Variants in FBXW4 observed in about 807,000 individuals in gnomAD.
FBXW4 encodes the protein F-box and WD repeat domain containing 4.
In FBXW4, 40 loss-of-function variants were observed where a neutral mutation model predicts 61.8. The ratio of observed to expected loss-of-function variants is 0.65; its 90% CI spans 0.50 to 0.84. FBXW4 has a LOEUF of 0.84. FBXW4 is among the 40% of genes least tolerant of loss of function. The pLI is 0.00. For synonymous variants in FBXW4, 311 were observed against 313.8 expected (o/e 0.99, Z 0.10); for missense variants, 672 against 753.8 (o/e 0.89, Z 1.27).
At chr10:101,670,540 T>G (rs1354901688) in intron 4 of FBXW4, among the ~76,000 whole-genome samples, 1 of 152,234 alleles carries the variant, frequency 6.6e-6, no homozygotes, top group African/African-American at 2.4e-5. Flanking sequence ...GCTCTTGCCC[T>G]AGAGCTTTAT....
At chr10:101,617,693 C>T (rs1434175600) in intron 6 of FBXW4, among the ~76,000 whole-genome samples, 6 of 152,046 alleles carry the variant, frequency 3.9e-5, no homozygotes, top group East Asian at 3.8e-4. Context: ...AAGGGGCAGC[C>T]GCGTAGATAA....
intron 1 of FBXW4, 21 bp from the exon 2 acceptor site, chr10:101,676,457 T>C: frequency 1.3e-6 from 2 of 1,594,534 alleles, no homozygotes; most frequent in Non-Finnish European, 1.7e-6. Flanking sequence ...ACAGAACAGA[T>C]AATCCAATCA....
chr10:101,631,629 CTTTT>C (rs11286397), intron 5 of FBXW4, among the ~76,000 whole-genome samples: 1 of 138,830 alleles, frequency 7.2e-6, no homozygotes, highest in Non-Finnish European at 1.6e-5. Flanking sequence ...ACATTATTTA[CTTTT>C]TTTTTTTTTT....
chr10:101,612,528 T>G lies in FBXW4; in HGVS notation c.1302-51A>C, dbSNP rs1589734717. 3 of 1,449,240 alleles carry G rather than the reference T, an allele frequency of 2.1e-6. No individual in the cohort carries two copies. In the African/African-American group the frequency reaches 4.3e-5, roughly 21 times the overall value. 89.8% of individuals were successfully genotyped at this position (1,449,240 alleles called of 1,614,324 possible). On this transcript the variant is annotated intron_variant, in intron 6 of 8. Coordinates refer to ENST00000331272, the MANE Select transcript of FBXW4 (RefSeq NM_022039.4). The stretch of plus-strand genomic sequence containing the variant: ...GGCTGCTCCACGTGGGTCATACACA[T>G]TCGTTCCACCTTCAGAAGGCATCAG...
At chr10:101,672,863 C>A (rs2064370506) in intron 4 of FBXW4, 52 bp downstream of exon 4, 10 of 1,592,790 alleles carry the variant, frequency 6.3e-6, no homozygotes, top group Middle Eastern at 1.7e-4. Context: ...CTATCCACCC[C>A]CTCCCTATAG....
chr10:101,673,590 T>A lies in FBXW4; in HGVS notation c.905A>T (p.Asp302Val). The A allele has an allele frequency of 4.3e-6, 7 of 1,614,012 alleles. No individual in the cohort carries two copies. Among genetic ancestry groups the A allele is most frequent in the Non-Finnish European group, 5.9e-6 (7 of 1,179,898 alleles). The change falls in exon 3 of 9, where the codon GAT (aspartate) becomes GTT (valine). Residue 302 changes from aspartate to valine, a missense_variant. Transcript: ENST00000331272. ...AGGCCGACGATTCAAGCTGGCACCA[T>A]CTGGACGGAACTGGTAGGCCAGGAT... ...NFILAYQFRP[D>V]GASLNRRPLG...
chr10:101,682,254 C>T (rs1292794103), intron 1 of FBXW4, among the ~76,000 whole-genome samples: 1 of 152,158 alleles, frequency 6.6e-6, no homozygotes, highest in Non-Finnish European at 1.5e-5. Flanking sequence ...ACAATTAGGA[C>T]TTGGCTATAC....
chr10:101,649,516 G>C (rs1306648216), intron 5 of FBXW4, among the ~76,000 whole-genome samples: 1 of 152,236 alleles, frequency 6.6e-6, no homozygotes, highest in African/African-American at 2.4e-5. Context: ...GGAGGGGTGG[G>C]TATTGCTGGG....
chr10:101,627,314 G>A lies in FBXW4; in HGVS notation c.1236-2504C>T, dbSNP rs977017873. Among the ~76,000 whole-genome samples, 8 of 152,318 alleles carry A rather than the reference G, an allele frequency of 5.3e-5. No homozygotes were observed. The South Asian group carries it at 1.4e-3, about 28-fold the overall frequency. On this transcript the variant is annotated intron_variant, in intron 5 of 8. Coordinates refer to ENST00000331272, the MANE Select transcript of FBXW4 (RefSeq NM_022039.4). ...AGAAAAAAGAGGGAGAGAAAGCAGAGTGTCTTCCTGGCACTTAGGAGGACT... is the reference window on the plus strand; with the variant it reads ...AGAAAAAAGAGGGAGAGAAAGCAGAATGTCTTCCTGGCACTTAGGAGGACT...
chr10:101,683,644 TG>T (rs1211638946), intron 1 of FBXW4, among the ~76,000 whole-genome samples: 3 of 151,990 alleles, frequency 2.0e-5, no homozygotes, highest in African/African-American at 7.2e-5. Flanking sequence ...GAAAACTGGC[TG>T]GGGGGAAGGA....
At chr10:101,667,027 C>T (rs968000490) in intron 5 of FBXW4, among the ~76,000 whole-genome samples, 6 of 151,770 alleles carry the variant, frequency 4.0e-5, no homozygotes, top group Non-Finnish European at 7.4e-5. Flanking sequence ...GTCAGGTGAT[C>T]GAGACCATCC....
chr10:101,619,608 G>C (rs558976552), intron 6 of FBXW4, among the ~76,000 whole-genome samples: 1 of 151,376 alleles, frequency 6.6e-6, no homozygotes, highest in South Asian at 2.1e-4. Context: ...GCAGTGAGCC[G>C]AGATAGCACC....
chr10:101,693,572 G>A (rs991390388), intron 1 of FBXW4, among the ~76,000 whole-genome samples: 1 of 152,130 alleles, frequency 6.6e-6, no homozygotes, highest in African/African-American at 2.4e-5. Flanking sequence ...TTTTAAAAAC[G>A]TTATTTAATG....
chr10:101,633,656 C>T (rs986974116), intron 5 of FBXW4, among the ~76,000 whole-genome samples: 1 of 151,924 alleles, frequency 6.6e-6, no homozygotes, highest in Admixed American at 6.6e-5. Flanking sequence ...CACACACCCA[C>T]GGATGTTAGT....
At chr10:101,679,283 C>T (rs983793128) in intron 1 of FBXW4, among the ~76,000 whole-genome samples, 20 of 152,312 alleles carry the variant, frequency 1.3e-4, no homozygotes, top group African/African-American at 4.8e-4. Context: ...ATTTATTTAA[C>T]CAACATTTAA....
At chr10:101,653,424 C>G (rs1034272396) in intron 5 of FBXW4, among the ~76,000 whole-genome samples, 1 of 152,184 alleles carries the variant, frequency 6.6e-6, no homozygotes, top group African/African-American at 2.4e-5. Context: ...AACTAGACTC[C>G]AAATTTCCCC....
rs182048262 is a variant in FBXW4, at chr10:101,621,067, A to G, written c.1301+3678T>C. Among the ~76,000 whole-genome samples the G allele has an allele frequency of 8.2e-4, 125 of 152,298 alleles. 1 individual carries two copies. The highest frequency in any genetic ancestry group is 2.9e-3 in the African/African-American group (122 of 41,558). ...GTGTCATCCTGGGCCCAGGCAGGTG[A>G]TGATGCCAAACACAAGGCCCAGCTA... On this transcript the variant is annotated intron_variant, in intron 6 of 8. Coordinates refer to ENST00000331272, the MANE Select transcript of FBXW4 (RefSeq NM_022039.4).
chr10:101,618,713 C>T (rs188770433), intron 6 of FBXW4, among the ~76,000 whole-genome samples: 2 of 152,148 alleles, frequency 1.3e-5, no homozygotes, highest in South Asian at 4.2e-4. Flanking sequence ...CCTTTCCCCA[C>T]CCCACAATCC....
chr10:101,642,816 T>C (rs1275079310), intron 5 of FBXW4, among the ~76,000 whole-genome samples: 1 of 152,182 alleles, frequency 6.6e-6, no homozygotes, highest in Non-Finnish European at 1.5e-5. Flanking sequence ...CCTGAATCAA[T>C]GCCATGCCCA....
Sources: gnomAD v4.1 joint callset for allele counts (sites outside exome capture counted in the v4.1 genomes callset) on GRCh38, gnomAD v4.1.1 for gene constraint, MANE v1.5 for transcripts, NCBI Gene and HGNC (gene_info 2026-07-23, HGNC 2026-07-21) for gene names.